The following ACSS3 variants were observed in gnomAD, a reference collection of about 807,000 sequenced individuals.
ACSS3 encodes the protein acyl-CoA synthetase short chain family member 3, also known as acyl-CoA synthetase short-chain family member 3, mitochondrial.
A neutral mutation model predicts 84.2 loss-of-function variants in ACSS3; 64 were observed. That is an observed-to-expected ratio of 0.76 (90% CI 0.62 to 0.94). The LOEUF (loss-of-function observed/expected upper bound fraction) is 0.94, where lower values mean the gene tolerates loss of function less well. Ranked by LOEUF, ACSS3 falls within the 40% of genes least tolerant of loss-of-function variation. The probability of loss-of-function intolerance (pLI) is 0.00; values close to 1 mark genes in which losing one functional copy is unlikely to be tolerated. For synonymous variants in ACSS3, 317 were observed against 310.1 expected, an observed-to-expected ratio of 1.02 and a Z score of -0.23; for missense variants, 815 against 867.6, an observed-to-expected ratio of 0.94 and a Z score of 0.76.
intron 9 of ACSS3, among the ~76,000 whole-genome samples, chr12:81,210,471 A>G (rs889443510): frequency 2.6e-5 from 4 of 152,226 alleles, no homozygotes; most frequent in Non-Finnish European, 5.9e-5. Context: ...TACAACAGCA[A>G]TATATTCCAC....
intron 3 of ACSS3, 104 bp from the exon 4 acceptor site, chr12:81,139,027 A>G (rs1469615024): frequency 8.2e-7 from 1 of 1,220,772 alleles, no homozygotes; most frequent in Non-Finnish European, 1.2e-6. Flanking sequence ...AAACATTCAG[A>G]CATTTCTTTA....
intron 2 of ACSS3, among the ~76,000 whole-genome samples, chr12:81,113,759 T>A (rs1306112034): frequency 3.3e-5 from 5 of 152,160 alleles, no homozygotes; most frequent in African/African-American, 1.2e-4. Context: ...TTTCTATCTG[T>A]GAAGGATTTT....
chr12:81,083,564 G>A (rs532150613), intron 1 of ACSS3, among the ~76,000 whole-genome samples: 22 of 151,772 alleles, frequency 1.4e-4, no homozygotes, highest in Non-Finnish European at 2.6e-4. Context: ...GTTTCACCAT[G>A]TTGGCCAGGC....
At chr12:81,107,791 A>G (rs952586969) in intron 1 of ACSS3, among the ~76,000 whole-genome samples, 1 of 151,766 alleles carries the variant, frequency 6.6e-6, no homozygotes, top group Non-Finnish European at 1.5e-5. Flanking sequence ...TTGCTTCAAG[A>G]CATAAATCTA....
chr12:81,145,294 C>A (rs1272614963), intron 5 of ACSS3, among the ~76,000 whole-genome samples: 1 of 152,030 alleles, frequency 6.6e-6, no homozygotes, highest in African/African-American at 2.4e-5. Context: ...CTATCATCCT[C>A]ATTTTCCTCC....
intron 7 of ACSS3, among the ~76,000 whole-genome samples, chr12:81,153,095 G>C (rs1219093452): frequency 1.3e-5 from 2 of 152,142 alleles, no homozygotes; most frequent in Non-Finnish European, 1.5e-5. Context: ...AAAGGGAGTA[G>C]CATGGAAATA....
intron 9 of ACSS3, among the ~76,000 whole-genome samples, chr12:81,213,180 A>G (rs1331210369): frequency 2.6e-5 from 4 of 152,120 alleles, no homozygotes; most frequent in African/African-American, 9.7e-5. Flanking sequence ...TGTGAAGCAG[A>G]TGTTTTTAGA....
At chr12:81,163,397 CCTA>C (rs571325264) in intron 7 of ACSS3, among the ~76,000 whole-genome samples, 315 of 152,256 alleles carry the variant, frequency 2.1e-3, no homozygotes, top group African/African-American at 7.3e-3. Context: ...TATAAACAAA[CCTA>C]CTGTGCTGCC....
intron 8 of ACSS3, among the ~76,000 whole-genome samples, chr12:81,196,977 C>G (rs1295880173): frequency 6.6e-6 from 1 of 152,112 alleles, no homozygotes; most frequent in Non-Finnish European, 1.5e-5. Flanking sequence ...ATCCTCATGG[C>G]TCCAACTACA....
intron 7 of ACSS3, among the ~76,000 whole-genome samples, chr12:81,173,401 T>C (rs1043759970): frequency 1.3e-5 from 2 of 152,144 alleles, no homozygotes; most frequent in African/African-American, 4.8e-5. Context: ...ACTTTCTTGG[T>C]ATTAAAAGAG....
At chr12:81,201,779 C>G (rs1383099541) in intron 9 of ACSS3, among the ~76,000 whole-genome samples, 1 of 152,098 alleles carries the variant, frequency 6.6e-6, no homozygotes, top group Admixed American at 6.6e-5. Flanking sequence ...GGTATTCTGT[C>G]CTATTAAACT....
Position 81,209,243 on chromosome 12 carries a change from A to G in ACSS3, c.1355-7658A>G, listed in dbSNP as rs932505954. Among the ~76,000 whole-genome samples the G allele has an allele frequency of 2.6e-5, 4 of 152,266 alleles. No individual in the cohort carries two copies. In the South Asian group the frequency reaches 6.2e-4, roughly 24 times the overall value. On this transcript the variant is annotated intron_variant, in intron 9 of 15. Transcript: ENST00000548058. ...GGTCCTGCTGATACAAATGACTCTCAGGCACACAGACTGATTTCAGCTGCA... is the reference window on the plus strand; with the variant it reads ...GGTCCTGCTGATACAAATGACTCTCGGGCACACAGACTGATTTCAGCTGCA...
chr12:81,250,531 CACTAAG>C (rs1190558912), intron 13 of ACSS3, among the ~76,000 whole-genome samples: 9 of 152,080 alleles, frequency 5.9e-5, no homozygotes, highest in African/African-American at 1.7e-4. Context: ...CTTCTAAAAG[CACTAAG>C]ACTAAGGACA....
In ACSS3 at chr12:81,110,620, T is replaced by C. The variant is rs1883494645; in HGVS notation, c.456+916T>C. ...GGCACTGTTGATATTTTGGATCAGA[T>C]AATATTTTGTTGTGGGTGCTGCCAT... On this transcript the variant is annotated intron_variant, in intron 2 of 15. Transcript: ENST00000548058. Among the ~76,000 whole-genome samples, 3 of 152,332 alleles carry C rather than the reference T, an allele frequency of 2.0e-5. No homozygotes were observed. The South Asian group carries it at 6.2e-4, about 32-fold the overall frequency.
rs75122892 is a variant in ACSS3 at position 81,236,870 on chromosome 12, T to A, written c.1719+3399T>A. ...AATATTCATCTTTGACAGTTTTTTT[T>A]ATAAGAGTGTCATTTCCACCTTACC... On this transcript the variant is annotated intron_variant, in intron 13 of 15. Coordinates refer to ENST00000548058, the MANE Select transcript of ACSS3 (RefSeq NM_024560.4). 4.0e-5 allele frequency among the ~76,000 whole-genome samples: 6 copies of A among 151,538 alleles called. No individual in the cohort carries two copies. The East Asian group carries it at 9.7e-4, about 25-fold the overall frequency.
At chr12:81,203,985 C>CA (rs34959195) in intron 9 of ACSS3, among the ~76,000 whole-genome samples, 3 of 151,224 alleles carry the variant, frequency 2.0e-5, no homozygotes, top group South Asian at 2.1e-4. Context: ...ATCCATGTGC[C>CA]AAAAAAAAGA....
chr12:81,179,176 A>G (rs1344165426), intron 8 of ACSS3, among the ~76,000 whole-genome samples: 1 of 151,814 alleles, frequency 6.6e-6, no homozygotes, highest in Non-Finnish European at 1.5e-5. Context: ...TATAAAACCT[A>G]AAACTATAAA....
intron 13 of ACSS3, among the ~76,000 whole-genome samples, chr12:81,243,583 G>A (rs527616324): frequency 3.9e-5 from 6 of 152,144 alleles, no homozygotes; most frequent in African/African-American, 9.7e-5. Context: ...CAAAGCTGGA[G>A]GCATCACGCT....
At position 81,203,291 on chromosome 12, in the gene ACSS3, G is replaced by T. The variant is rs191392438; in HGVS notation, c.1354+3847G>T. ...CTGCCTGCTTGGATGGTGCCCACTCGCACTGAGGAAAGATCTTCTCATCTT... is the reference window on the plus strand; with the variant it reads ...CTGCCTGCTTGGATGGTGCCCACTCTCACTGAGGAAAGATCTTCTCATCTT... On this transcript the variant is annotated intron_variant, in intron 9 of 15. Coordinates refer to ENST00000548058, the MANE Select transcript of ACSS3 (RefSeq NM_024560.4). Among the ~76,000 whole-genome samples, 6 of 152,182 alleles carry T rather than the reference G, an allele frequency of 3.9e-5. No homozygotes were observed. In the East Asian group the frequency reaches 1.2e-3, roughly 29 times the overall value.
Sources: allele counts gnomAD v4.1 joint callset (sites outside exome capture counted in the v4.1 genomes callset), GRCh38; gene constraint gnomAD v4.1.1; transcripts MANE v1.5; gene names NCBI Gene and HGNC (gene_info 2026-07-23, HGNC 2026-07-21).